Variants in LINGO2 observed in about 807,000 individuals in gnomAD.
The protein encoded by LINGO2 is leucine rich repeat and Ig domain containing 2.
Under a neutral mutation model 30.6 loss-of-function variants are expected in LINGO2, and 14 were observed. That is an observed-to-expected ratio of 0.46 (90% CI 0.30 to 0.72). The LOEUF (loss-of-function observed/expected upper bound fraction) is 0.72. Ranked by LOEUF, LINGO2 falls within the 30% of genes least tolerant of loss-of-function variation. LINGO2 has a pLI of 0.07. For synonymous variants in LINGO2, 317 were observed against 288.5 expected, an observed-to-expected ratio of 1.10 and a Z score of -1.00; for missense variants, 729 against 751.7, an observed-to-expected ratio of 0.97 and a Z score of 0.35.
intron 5 of LINGO2, among the ~76,000 whole-genome samples, chr9:27,996,969 C>T (rs548821981): frequency 1.3e-5 from 2 of 152,308 alleles, no homozygotes; most frequent in East Asian, 1.9e-4. Context: ...ACACACATGA[C>T]ATACCTATTA....
the LINGO2 span, among the ~76,000 whole-genome samples, chr9:28,939,913 G>T: frequency 6.6e-6 from 1 of 152,136 alleles, no homozygotes; most frequent in Non-Finnish European, 1.5e-5. Flanking sequence ...AATCTTGAGA[G>T]AATTAAGTTC....
chr9:28,766,789 G>GGA, the LINGO2 span, among the ~76,000 whole-genome samples: 3 of 144,978 alleles, frequency 2.1e-5, no homozygotes, highest in East Asian at 6.1e-4. Context: ...AGAGAGAGAG[G>GGA]GAGAGAGAGA....
chr9:28,325,380 T>C (rs1460563987), intron 3 of LINGO2, among the ~76,000 whole-genome samples: 3 of 152,150 alleles, frequency 2.0e-5, no homozygotes, highest in Admixed American at 6.5e-5. Context: ...TCCTAGTCTC[T>C]GTAGAACAGC....
intron 4 of LINGO2, among the ~76,000 whole-genome samples, chr9:28,189,513 G>C (rs1174897238): frequency 1.6e-3 from 13 of 8,348 alleles, no homozygotes; most frequent in East Asian, 9.2e-3. Flanking sequence ...GGAAGGAAGG[G>C]AGGGAGGAAG....
rs141545847 is a variant in LINGO2, at chr9:28,356,130, G to T, written c.-246+16706C>A. ...ACTTCATCCATGCAGTTGCTAAAAT[G>T]TCTTAATTGTCATACAACTGCCACA... On this transcript the variant is annotated intron_variant, in intron 3 of 5. Transcript: ENST00000379992. 3.8e-3 allele frequency among the ~76,000 whole-genome samples: 578 copies of T among 152,226 alleles called. 3 individuals are homozygous for T. The highest frequency in any genetic ancestry group is 0.013 in the African/African-American group (554 of 41,544).
At chr9:27,955,698 A>G (rs1325085965) in intron 5 of LINGO2, among the ~76,000 whole-genome samples, 3 of 151,828 alleles carry the variant, frequency 2.0e-5, no homozygotes, top group Non-Finnish European at 4.4e-5. Context: ...CTATTTTTGG[A>G]AGCTTGGGCT....
intron 2 of LINGO2, among the ~76,000 whole-genome samples, chr9:28,392,419 T>C (rs1204919144): frequency 6.6e-6 from 1 of 152,138 alleles, no homozygotes; most frequent in Non-Finnish European, 1.5e-5. Context: ...ATAAAAGTCA[T>C]GTAACTTCCC....
intron 4 of LINGO2, among the ~76,000 whole-genome samples, chr9:28,136,282 T>C (rs1827515177): frequency 6.6e-6 from 1 of 152,208 alleles, no homozygotes; most frequent in Admixed American, 6.5e-5. Flanking sequence ...GAGGGCGATA[T>C]TGCATGAATT....
chr9:29,076,097 C>G, the LINGO2 span, among the ~76,000 whole-genome samples: 1 of 151,680 alleles, frequency 6.6e-6, no homozygotes, highest in East Asian at 1.9e-4. Flanking sequence ...AGGATGGTCT[C>G]AAACTCCTGG....
At chr9:28,365,835 A>T (rs1176387494) in intron 3 of LINGO2, among the ~76,000 whole-genome samples, 1 of 147,036 alleles carries the variant, frequency 6.8e-6, no homozygotes, top group Non-Finnish European at 1.5e-5. Flanking sequence ...CCACTTTGAG[A>T]CTACTCTGGA....
chr9:28,716,079 C>T, the LINGO2 span, among the ~76,000 whole-genome samples: 16 of 151,470 alleles, frequency 1.1e-4, no homozygotes, highest in African/African-American at 2.4e-4. Context: ...TCTGGGAGCT[C>T]GAAATAATAC....
intron 3 of LINGO2, among the ~76,000 whole-genome samples, chr9:28,313,996 C>T (rs1174623041): frequency 1.3e-5 from 2 of 151,936 alleles, no homozygotes; most frequent in Non-Finnish European, 2.9e-5. Context: ...TGCAGTGGCG[C>T]GATCTTGGCT....
chr9:29,022,558 T>C, the LINGO2 span, among the ~76,000 whole-genome samples: 1 of 152,214 alleles, frequency 6.6e-6, no homozygotes, highest in Non-Finnish European at 1.5e-5. Context: ...GGTCTTACGG[T>C]TGATCTTACA....
At chr9:28,899,152 T>A in the LINGO2 span, among the ~76,000 whole-genome samples, 2 of 152,116 alleles carry the variant, frequency 1.3e-5, no homozygotes, top group Non-Finnish European at 2.9e-5. Flanking sequence ...ATTGAGGAAA[T>A]AAGAAGAACA....
chr9:29,185,646 A>G, the LINGO2 span, among the ~76,000 whole-genome samples: 1 of 152,174 alleles, frequency 6.6e-6, no homozygotes, highest in East Asian at 1.9e-4. Context: ...GATTTAGACA[A>G]TGGAATTTAG....
At chr9:29,131,127 T>G in the LINGO2 span, among the ~76,000 whole-genome samples, 24 of 152,298 alleles carry the variant, frequency 1.6e-4, no homozygotes, top group South Asian at 3.9e-3. Context: ...TGGAACCACT[T>G]CCTTTGTAAC....
At chr9:28,992,548 C>A in the LINGO2 span, among the ~76,000 whole-genome samples, 1 of 152,094 alleles carries the variant, frequency 6.6e-6, no homozygotes, top group Non-Finnish European at 1.5e-5. Context: ...CACCCCAAAT[C>A]AACAGAATAT....
the LINGO2 span, among the ~76,000 whole-genome samples, chr9:29,095,509 T>C: frequency 1.4e-5 from 2 of 138,398 alleles, 1 homozygote; most frequent in Non-Finnish European, 3.1e-5. Context: ...CATTTTTACC[T>C]GATGGACAAC....
intron 3 of LINGO2, among the ~76,000 whole-genome samples, chr9:28,357,946 T>C (rs1329721161): frequency 6.6e-6 from 1 of 152,116 alleles, no homozygotes; most frequent in Non-Finnish European, 1.5e-5. Flanking sequence ...TGTGTACACA[T>C]TCCTGGGATA....
Sources: gnomAD v4.1 joint callset for allele counts (sites outside exome capture counted in the v4.1 genomes callset) on GRCh38, gnomAD v4.1.1 for gene constraint, MANE v1.5 for transcripts, NCBI Gene and HGNC (gene_info 2026-07-23, HGNC 2026-07-21) for gene names.